Variants in ABLIM1 observed in about 807,000 individuals in gnomAD.
ABLIM1 encodes actin binding LIM protein 1, also known as actin-binding LIM protein 1.
Under a neutral mutation model 107.0 loss-of-function variants are expected in ABLIM1, and 40 were observed. The observed-to-expected ratio is 0.37, with a 90% CI of 0.29 to 0.49. The LOEUF (loss-of-function observed/expected upper bound fraction) is 0.49. Ranked by LOEUF, ABLIM1 falls within the 20% of genes least tolerant of loss-of-function variation. The probability of loss-of-function intolerance (pLI) is 0.97; values close to 1 mark genes in which losing one functional copy is unlikely to be tolerated. For synonymous variants in ABLIM1, 357 were observed against 357.3 expected, an observed-to-expected ratio of 1.00 and a Z score of 0.01; for missense variants, 857 against 1,008.5, an observed-to-expected ratio of 0.85 and a Z score of 2.04.
chr10:114,617,672 A>G (rs916344323), intron 1 of ABLIM1, among the ~76,000 whole-genome samples: 3 of 152,134 alleles, frequency 2.0e-5, no homozygotes, highest in African/African-American at 7.2e-5. Context: ...AACTCCACAG[A>G]CCAACTGACT....
At chr10:114,635,721 C>T (rs2078446740) in intron 1 of ABLIM1, among the ~76,000 whole-genome samples, 1 of 152,212 alleles carries the variant, frequency 6.6e-6, no homozygotes, top group Non-Finnish European at 1.5e-5. Flanking sequence ...AGGGTTTCAC[C>T]ACGTTGGCCA....
intron 1 of ABLIM1, among the ~76,000 whole-genome samples, chr10:114,668,935 T>C (rs1475998827): frequency 2.0e-5 from 3 of 152,190 alleles, no homozygotes; most frequent in Non-Finnish European, 4.4e-5. Flanking sequence ...GCCACAGGCA[T>C]AGATGAAAGA....
In ABLIM1 at chr10:114,587,749, G is replaced by C. The variant is rs560197753; in HGVS notation, c.380-12150C>G. On this transcript the variant is annotated intron_variant, in intron 2 of 22. Coordinates refer to ENST00000533213, the MANE Select transcript of ABLIM1 (RefSeq NM_002313.7). ...TGCTCCCCTCTTTAGTCCTGGGAAGGCTATTCAGTTTTCTGGAGGTTTATG... is the reference window on the plus strand; with the variant it reads ...TGCTCCCCTCTTTAGTCCTGGGAAGCCTATTCAGTTTTCTGGAGGTTTATG... 2.0e-5 allele frequency among the ~76,000 whole-genome samples: 3 copies of C among 152,180 alleles called. No individual in the cohort carries two copies. The South Asian group carries it at 6.2e-4, about 32-fold the overall frequency.
intron 6 of ABLIM1, among the ~76,000 whole-genome samples, chr10:114,543,246 A>G (rs2066913320): frequency 6.6e-6 from 1 of 152,230 alleles, no homozygotes; most frequent in Admixed American, 6.5e-5. Flanking sequence ...CTATGCAACC[A>G]CCTCCTCTAA....
intron 6 of ABLIM1, among the ~76,000 whole-genome samples, chr10:114,534,526 A>T (rs769247643): frequency 6.6e-5 from 10 of 151,246 alleles, no homozygotes; most frequent in Non-Finnish European, 1.3e-4. Flanking sequence ...TTCCTGGGAC[A>T]CTCCAGGAGG....
chr10:114,452,472 TCCC>T (rs2062059803), intron 13 of ABLIM1, among the ~76,000 whole-genome samples: 1 of 152,038 alleles, frequency 6.6e-6, no homozygotes, highest in African/African-American at 2.4e-5. Context: ...GAAAGGACAG[TCCC>T]AACTAAGTGA....
chr10:114,653,114 A>G (rs2079329340), intron 1 of ABLIM1, among the ~76,000 whole-genome samples: 1 of 152,222 alleles, frequency 6.6e-6, no homozygotes, highest in African/African-American at 2.4e-5. Context: ...ACCTAAGCCC[A>G]AATCTAGTAC....
intron 6 of ABLIM1, among the ~76,000 whole-genome samples, chr10:114,497,778 A>G (rs1019914394): frequency 7.2e-5 from 11 of 152,128 alleles, no homozygotes; most frequent in African/African-American, 2.7e-4. Context: ...GGCTAGCATG[A>G]AACTCTATGA....
rs1226734576 is a variant in ABLIM1, at chr10:114,634,846, CAA to C, written c.244+23109_244+23110del. The stretch of plus-strand genomic sequence containing the variant: ...ATCCACTCTGCACTTTTAAGATAAC[CAA>C]AGAGTGTATTACTAAAGTTATTTTT... On this transcript the variant is annotated intron_variant, in intron 1 of 22. Coordinates refer to ENST00000533213, the MANE Select transcript of ABLIM1 (RefSeq NM_002313.7). Among the ~76,000 whole-genome samples, 5 of 152,242 alleles carry C rather than the reference CAA, an allele frequency of 3.3e-5. No homozygotes were observed. The East Asian group carries it at 7.7e-4, about 24-fold the overall frequency.
At chr10:114,698,455 T>C (rs1052884250) in intron 1 of ABLIM1, among the ~76,000 whole-genome samples, 1 of 144,570 alleles carries the variant, frequency 6.9e-6, no homozygotes, top group African/African-American at 2.5e-5. Flanking sequence ...GTCCAATATC[T>C]ATTGAATAGG....
chr10:114,527,360 C>T (rs537889926), intron 6 of ABLIM1, among the ~76,000 whole-genome samples: 1 of 152,168 alleles, frequency 6.6e-6, no homozygotes, highest in Non-Finnish European at 1.5e-5. Context: ...GATTGGAAAA[C>T]CTCTTATCAA....
chr10:114,664,333 T>C (rs2079920981), intron 1 of ABLIM1, among the ~76,000 whole-genome samples: 1 of 152,088 alleles, frequency 6.6e-6, no homozygotes, highest in Non-Finnish European at 1.5e-5. Context: ...TGATGAATAA[T>C]GTAGGGGCCC....
intron 2 of ABLIM1, 190 bp downstream of exon 2, chr10:114,601,637 T>A: frequency 1.1e-6 from 1 of 897,150 alleles, no homozygotes; most frequent in Non-Finnish European, 1.8e-6. Flanking sequence ...CACGAATCAC[T>A]GGTTTTAGCA....
intron 2 of ABLIM1, among the ~76,000 whole-genome samples, chr10:114,596,227 T>A (rs769458887): frequency 1.3e-5 from 2 of 152,242 alleles, no homozygotes; most frequent in Non-Finnish European, 2.9e-5. Flanking sequence ...AACTCCCCTG[T>A]GGCCCTCCTG....
At chr10:114,595,460 T>A (rs2139751663) in intron 2 of ABLIM1, among the ~76,000 whole-genome samples, 1 of 152,224 alleles carries the variant, frequency 6.6e-6, no homozygotes, top group Admixed American at 6.5e-5. Context: ...ACAGACAAAG[T>A]AAAACATTAA....
At chr10:114,788,002 T>G in the ABLIM1 span, among the ~76,000 whole-genome samples, 1 of 145,846 alleles carries the variant, frequency 6.9e-6, no homozygotes, top group Admixed American at 6.9e-5. Flanking sequence ...TTCTTCTGCC[T>G]TGGGATCCTG....
chr10:114,558,913 C>T (rs2483547), intron 4 of ABLIM1, among the ~76,000 whole-genome samples: 1 of 149,014 alleles, frequency 6.7e-6, no homozygotes, highest in Non-Finnish European at 1.5e-5. Context: ...GTGTGTGTGT[C>T]TGTGTGTGTG....
chr10:114,440,205 C>CTT, intron 19 of ABLIM1, 116 bp from the exon 20 acceptor site: 1 of 1,068,858 alleles, frequency 9.4e-7, no homozygotes, highest in South Asian at 1.3e-5. Context: ...AAACCATGTT[C>CTT]TTTTTCTGCT....
intron 1 of ABLIM1, chr10:114,684,197 C>A: frequency 1.5e-6 from 2 of 1,307,676 alleles, no homozygotes; most frequent in South Asian, 3.2e-5. Context: ...ACAATTTTAT[C>A]AAATGGAAAA....
Sources: gnomAD v4.1 joint callset for allele counts (sites outside exome capture counted in the v4.1 genomes callset) on GRCh38, gnomAD v4.1.1 for gene constraint, MANE v1.5 for transcripts, NCBI Gene and HGNC (gene_info 2026-07-23, HGNC 2026-07-21) for gene names.